Variants in DSCAML1 observed in about 807,000 individuals in gnomAD.
DSCAML1 encodes DS cell adhesion molecule like 1, also known as cell adhesion molecule DSCAML1.
A neutral mutation model predicts 200.5 loss-of-function variants in DSCAML1; 38 were observed. The observed-to-expected ratio is 0.19, with a 90% CI of 0.15 to 0.25. The LOEUF (loss-of-function observed/expected upper bound fraction) is 0.25, where lower values mean the gene tolerates loss of function less well. Ranked by LOEUF, DSCAML1 falls within the 10% of genes least tolerant of loss-of-function variation. DSCAML1 has a pLI of 1.00. For synonymous variants in DSCAML1, 1,215 were observed against 1,165.0 expected, an observed-to-expected ratio of 1.04 and a Z score of -0.87; for missense variants, 2,223 against 2,858.8, an observed-to-expected ratio of 0.78 and a Z score of 5.07.
intron 3 of DSCAML1, among the ~76,000 whole-genome samples, chr11:117,758,470 C>A (rs970336153): frequency 6.6e-6 from 1 of 151,714 alleles, no homozygotes; most frequent in African/African-American, 2.4e-5. Context: ...GGCGCGATCT[C>A]GGCTCACTGC....
intron 3 of DSCAML1, among the ~76,000 whole-genome samples, chr11:117,625,770 A>C (rs1209918265): frequency 6.6e-6 from 1 of 152,240 alleles, no homozygotes; most frequent in Non-Finnish European, 1.5e-5. Context: ...TGTGGGTGCT[A>C]CTGGCATTTA....
chr11:117,431,475 G>C (rs887601165), intron 31 of DSCAML1, 59 bp downstream of exon 31: 2 of 1,439,158 alleles, frequency 1.4e-6, no homozygotes, highest in African/African-American at 2.8e-5. Context: ...AGAAGGTGAA[G>C]GTGAATGATG....
At chr11:117,661,788 G>A (rs746182817) in intron 3 of DSCAML1, among the ~76,000 whole-genome samples, 1 of 152,218 alleles carries the variant, frequency 6.6e-6, no homozygotes, top group Non-Finnish European at 1.5e-5. Flanking sequence ...CCTGGATGGA[G>A]GGGAAGAGCT....
At chr11:117,703,285 G>A (rs1045362442) in intron 3 of DSCAML1, among the ~76,000 whole-genome samples, 4 of 152,094 alleles carry the variant, frequency 2.6e-5, no homozygotes, top group Admixed American at 6.6e-5. Context: ...TTCACCACCC[G>A]CCTAACACTC....
At chr11:117,717,503 A>G (rs1369989730) in intron 3 of DSCAML1, among the ~76,000 whole-genome samples, 3 of 152,132 alleles carry the variant, frequency 2.0e-5, no homozygotes, top group African/African-American at 7.2e-5. Flanking sequence ...TCCTGTGTGG[A>G]TAAGGATTGT....
intron 11 of DSCAML1, among the ~76,000 whole-genome samples, chr11:117,485,570 T>C (rs772460606): frequency 1.6e-4 from 25 of 152,208 alleles, no homozygotes; most frequent in African/African-American, 4.1e-4. Flanking sequence ...CCACGGAGCA[T>C]TGTGAGGACA....
At chr11:117,747,967 G>C (rs2054544666) in intron 3 of DSCAML1, among the ~76,000 whole-genome samples, 1 of 152,026 alleles carries the variant, frequency 6.6e-6, no homozygotes, top group Non-Finnish European at 1.5e-5. Flanking sequence ...AGATCATCTG[G>C]GTTCTCCCCA....
intron 3 of DSCAML1, among the ~76,000 whole-genome samples, chr11:117,627,686 A>G (rs1033580963): frequency 6.6e-6 from 1 of 152,112 alleles, no homozygotes; most frequent in African/African-American, 2.4e-5. Context: ...GGCACTTTGT[A>G]TATATGATCT....
intron 3 of DSCAML1, among the ~76,000 whole-genome samples, chr11:117,690,367 A>G (rs1056257587): frequency 6.6e-6 from 1 of 152,210 alleles, no homozygotes; most frequent in African/African-American, 2.4e-5. Flanking sequence ...GCCCCAAAAC[A>G]GCACCCAGGC....
At position 117,554,373 on chromosome 11, in the gene DSCAML1, T is replaced by C. The variant is rs538845910; in HGVS notation, c.512-21851A>G. ...TGGACAAAAACATTTTATTCTATTATTTATTATTTATTATTTTTATTTTTT... is the reference window on the plus strand; with the variant it reads ...TGGACAAAAACATTTTATTCTATTACTTATTATTTATTATTTTTATTTTTT... On this transcript the variant is annotated intron_variant, in intron 3 of 32. Transcript: ENST00000651296. 1.8e-3 allele frequency among the ~76,000 whole-genome samples: 275 copies of C among 150,694 alleles called. 1 individual carries two copies. The highest frequency in any genetic ancestry group is 0.012 in the South Asian group (56 of 4,780).
intron 20 of DSCAML1, 29 bp downstream of exon 20, chr11:117,450,520 C>T (rs1253834345): frequency 1.2e-6 from 2 of 1,609,086 alleles, no homozygotes; most frequent in South Asian, 1.1e-5. Flanking sequence ...CTTCCATCCC[C>T]TTCATCATCT....
At chr11:117,776,612 A>G (rs1409805581) in intron 3 of DSCAML1, among the ~76,000 whole-genome samples, 179 bp downstream of exon 3, 2 of 151,830 alleles carry the variant, frequency 1.3e-5, no homozygotes, top group Admixed American at 1.3e-4. Flanking sequence ...GAGACGTGCC[A>G]GACCAAGACC....
rs115672258 is a variant in DSCAML1, at chr11:117,644,344, G to A, written c.512-111822C>T. On this transcript the variant is annotated intron_variant, in intron 3 of 32. Transcript: ENST00000651296. ...GAGTGCAAAGGGGATTTCTGCGCAC[G>A]GCACCTGGTTTTCCGAGCTGTGCTC... is the stretch of plus-strand genomic sequence containing the variant. 7.0e-3 allele frequency among the ~76,000 whole-genome samples: 1,065 copies of A among 152,344 alleles called. 13 individuals are homozygous for A. Among genetic ancestry groups the A allele is most frequent in the African/African-American group, 0.024 (985 of 41,588 alleles).
chr11:117,706,777 T>C (rs900066429), intron 3 of DSCAML1, among the ~76,000 whole-genome samples: 12 of 152,198 alleles, frequency 7.9e-5, no homozygotes, highest in Admixed American at 7.9e-4. Flanking sequence ...GGGCCTTTCT[T>C]TTAAAGTGCA....
intron 3 of DSCAML1, among the ~76,000 whole-genome samples, chr11:117,547,943 G>C (rs150077972): frequency 6.6e-6 from 1 of 152,048 alleles, no homozygotes; most frequent in Non-Finnish European, 1.5e-5. Flanking sequence ...GGTTCATCCT[G>C]ACCCACCCCT....
chr11:117,666,103 T>G (rs1214957147), intron 3 of DSCAML1, among the ~76,000 whole-genome samples: 1 of 152,146 alleles, frequency 6.6e-6, no homozygotes, highest in Non-Finnish European at 1.5e-5. Flanking sequence ...GAGGGGCTGT[T>G]TGTTGGCCTC....
Position 117,797,018 on chromosome 11 carries a change from C to G in DSCAML1, c.46+16G>C. The G allele has an allele frequency of 2.1e-6, 3 of 1,435,908 alleles. No individual in the cohort carries two copies. The highest frequency in any genetic ancestry group is 2.8e-6 in the Non-Finnish European group (3 of 1,086,504). The allele number at this position is 1,435,908 out of a possible 1,614,324, so 88.9% of individuals were successfully genotyped here. A position where few individuals can be genotyped will look rare whatever the true frequency, so the allele number is the denominator to read the frequency against. ...CCCCGCCGCCTCCGCCGCCCAGCCGCCCGCGCAGGTCTCACCTTTGTGTAA... is the reference window on the plus strand; with the variant it reads ...CCCCGCCGCCTCCGCCGCCCAGCCGGCCGCGCAGGTCTCACCTTTGTGTAA... On this transcript the variant is annotated intron_variant, in intron 1 of 32. Transcript: ENST00000651296.
At chr11:117,550,977 A>G (rs1239434125) in intron 3 of DSCAML1, among the ~76,000 whole-genome samples, 3 of 152,202 alleles carry the variant, frequency 2.0e-5, no homozygotes, top group Admixed American at 6.5e-5. Flanking sequence ...TATGCGGGAC[A>G]TGGCCTTTCT....
chr11:117,513,842 A>G (rs572459580), intron 8 of DSCAML1, among the ~76,000 whole-genome samples: 5 of 151,818 alleles, frequency 3.3e-5, no homozygotes, highest in Non-Finnish European at 5.9e-5. Context: ...AGTTCAAAGC[A>G]CACACTGTCT....
Sources: allele counts gnomAD v4.1 joint callset (sites outside exome capture counted in the v4.1 genomes callset), GRCh38; gene constraint gnomAD v4.1.1; transcripts MANE v1.5; gene names NCBI Gene and HGNC (gene_info 2026-07-23, HGNC 2026-07-21).